Variants in UBXN4 observed in about 807,000 individuals in gnomAD.
UBXN4 encodes the protein UBX domain protein 4.
UBXN4 carries 35 observed loss-of-function variants against 66.2 expected under a neutral mutation model. That is an observed-to-expected ratio of 0.53 (90% CI 0.40 to 0.70). The LOEUF (loss-of-function observed/expected upper bound fraction) is 0.70, where lower values mean the gene tolerates loss of function less well. Among genes scored for constraint, UBXN4 ranks in the 30% least tolerant of loss-of-function variants. UBXN4 has a pLI of 0.00. For synonymous variants in UBXN4, 203 were observed against 204.5 expected (o/e 0.99, Z 0.06); for missense variants, 533 against 599.8 (o/e 0.89, Z 1.16).
At chr2:135,768,673 C>T (rs2077362458) in intron 6 of UBXN4, among the ~76,000 whole-genome samples, 1 of 151,924 alleles carries the variant, frequency 6.6e-6, no homozygotes, top group Non-Finnish European at 1.5e-5. Flanking sequence ...AAGCGATTCT[C>T]CTGTCTCAGC....
chr2:135,772,580 A>AC (rs761889531), intron 9 of UBXN4, 33 bp downstream of exon 9: 1 of 1,610,670 alleles, frequency 6.2e-7, no homozygotes, highest in Non-Finnish European at 8.5e-7. Flanking sequence ...ATCTCTGTGC[A>AC]CATAGGGGCT....
chr2:135,760,219 T>C (rs2077306804), intron 5 of UBXN4, among the ~76,000 whole-genome samples: 1 of 152,060 alleles, frequency 6.6e-6, no homozygotes, highest in Non-Finnish European at 1.5e-5. Flanking sequence ...TCAGTTGAGC[T>C]CAGGAGTTCG....
intron 7 of UBXN4, among the ~76,000 whole-genome samples, 158 bp from the exon 8 acceptor site, chr2:135,770,413 T>G (rs1230949068): frequency 6.6e-6 from 1 of 152,250 alleles, no homozygotes; most frequent in African/African-American, 2.4e-5. Flanking sequence ...ATTTATAGAT[T>G]GATAGACATT....
intron 2 of UBXN4, among the ~76,000 whole-genome samples, chr2:135,749,851 C>A (rs1020589071): frequency 3.9e-5 from 6 of 152,168 alleles, no homozygotes; most frequent in Non-Finnish European, 8.8e-5. Flanking sequence ...CCTCCAACTC[C>A]CCTGCTCCTT....
chr2:135,766,724 G>A (rs950422405), intron 6 of UBXN4, among the ~76,000 whole-genome samples: 1 of 152,158 alleles, frequency 6.6e-6, no homozygotes, highest in Non-Finnish European at 1.5e-5. Context: ...TATTGGAGCT[G>A]TAAAGTTTAA....
chr2:135,754,719 T>A (rs1312212655), intron 4 of UBXN4, among the ~76,000 whole-genome samples: 1 of 152,236 alleles, frequency 6.6e-6, no homozygotes, highest in South Asian at 2.1e-4. Context: ...TCACCTGTTT[T>A]TGTAAATAGC....
In UBXN4 at chr2:135,783,015, T is replaced by A; in HGVS notation, c.*128T>A. The A allele has an allele frequency of 1.0e-6, 1 of 994,770 alleles. No individual in the cohort carries two copies. Among genetic ancestry groups the A allele is most frequent in the Non-Finnish European group, 1.5e-6 (1 of 687,478 alleles). The allele number at this position is 994,770 out of a possible 1,614,324, so 61.6% of individuals were successfully genotyped here. On this transcript the variant is annotated 3_prime_UTR_variant, in exon 13 of 13. Transcript: ENST00000272638. Reference sequence around the variant, plus strand: ...CTATAAAATGTCTCTTTATTCCTGCTTAGTGGGTGTGGGTTGAAGGTGTTT... The same window carrying A: ...CTATAAAATGTCTCTTTATTCCTGCATAGTGGGTGTGGGTTGAAGGTGTTT...
At chr2:135,780,725 GATAGTTCATTGCATTA>G in intron 12 of UBXN4, among the ~76,000 whole-genome samples, 1 of 152,128 alleles carries the variant, frequency 6.6e-6, no homozygotes, top group East Asian at 1.9e-4. Context: ...TGCTTGACAA[GATAGTTCATTGCATTA>G]ATCGTTCAGG....
intron 2 of UBXN4, among the ~76,000 whole-genome samples, chr2:135,749,491 A>T (rs1237271084): frequency 6.6e-6 from 1 of 152,166 alleles, no homozygotes; most frequent in African/African-American, 2.4e-5. Flanking sequence ...GTACTTGTCT[A>T]CTAGCTTTGG....
At chr2:135,759,333 T>C (rs542746560) in intron 5 of UBXN4, among the ~76,000 whole-genome samples, 6 of 152,304 alleles carry the variant, frequency 3.9e-5, no homozygotes, top group Non-Finnish European at 7.4e-5. Context: ...TTAATAGTAA[T>C]CCTTTTTGTC....
Position 135,761,902 on chromosome 2 carries a change from G to C in UBXN4, c.593G>C (p.Arg198Pro). ...AGACCTGCAGAGGACCTCAACATCC[G>C]AGTGGAAAGGTTTGCTCTTCTTTTT... ...DQRPAEDLNI[R>P]VERLTKKLEE... Residue 198 changes from arginine (R) to proline (P), a missense_variant, in exon 6 of 13, where the codon CGA (arginine) becomes CCA (proline). Around this residue, in one of 2 missense-constraint regions of UBXN4, gnomAD observed 529 missense variants for 580.1 expected, o/e 0.91. Transcript: ENST00000272638. 1 of 1,611,060 alleles carries C rather than the reference G, an allele frequency of 6.2e-7. No homozygotes were observed. Among genetic ancestry groups the C allele is most frequent in the Admixed American group, 1.7e-5 (1 of 59,008 alleles).
intron 5 of UBXN4, 72 bp downstream of exon 5, chr2:135,755,763 T>G (rs1415448892): frequency 2.8e-5 from 27 of 965,458 alleles, no homozygotes; most frequent in Non-Finnish European, 3.3e-5. Context: ...AATATTAATA[T>G]TTTAAAAATA....
intron 6 of UBXN4, among the ~76,000 whole-genome samples, chr2:135,766,943 A>G (rs2105502807): frequency 6.6e-6 from 1 of 152,282 alleles, no homozygotes; most frequent in South Asian, 2.1e-4. Context: ...TACATTTATC[A>G]GCTAGCATTC....
At chr2:135,777,450 A>T (rs1402242708) in intron 10 of UBXN4, among the ~76,000 whole-genome samples, 1 of 152,222 alleles carries the variant, frequency 6.6e-6, no homozygotes, top group African/African-American at 2.4e-5. Flanking sequence ...TAAGCTTTAT[A>T]GTAGAAACAG....
At chr2:135,748,467 G>T (rs2077222960) in intron 2 of UBXN4, 98 bp downstream of exon 2, 1 of 934,058 alleles carries the variant, frequency 1.1e-6, no homozygotes, top group East Asian at 3.2e-5. Flanking sequence ...TTGATGTTGG[G>T]CTGGGCACTC....
At chr2:135,761,692 T>C in intron 5 of UBXN4, 126 bp from the exon 6 acceptor site, 2 of 795,378 alleles carry the variant, frequency 2.5e-6, no homozygotes, top group Non-Finnish European at 3.7e-6. Flanking sequence ...CCTTCTCCAT[T>C]TTTAGGGAAA....
chr2:135,772,667 T>C, intron 9 of UBXN4, 120 bp downstream of exon 9: 1 of 1,254,672 alleles, frequency 8.0e-7, no homozygotes, highest in East Asian at 2.5e-5. Flanking sequence ...GAGGGACATA[T>C]TAATTTGACA....
At chr2:135,759,032 G>A (rs1165700130) in intron 5 of UBXN4, among the ~76,000 whole-genome samples, 1 of 152,180 alleles carries the variant, frequency 6.6e-6, no homozygotes, top group Non-Finnish European at 1.5e-5. Flanking sequence ...TGCTGGGATT[G>A]TAGGCGTAAG....
At chr2:135,766,652 A>G (rs567695773) in intron 6 of UBXN4, among the ~76,000 whole-genome samples, 1 of 152,350 alleles carries the variant, frequency 6.6e-6, no homozygotes, top group South Asian at 2.1e-4. Flanking sequence ...AACATTACCA[A>G]GATAATGTTT....
Sources: gnomAD v4.1 joint callset for allele counts (sites outside exome capture counted in the v4.1 genomes callset) on GRCh38, gnomAD v4.1.1 for gene constraint, gnomAD v4.1.1 regional missense constraint, MANE v1.5 for transcripts, NCBI Gene and HGNC (gene_info 2026-07-23, HGNC 2026-07-21) for gene names.